Variants in CROCC observed in about 807,000 individuals in gnomAD.
CROCC encodes ciliary rootlet coiled-coil, rootletin, also known as rootletin.
CROCC carries 180 observed loss-of-function variants against 245.2 expected under a neutral mutation model. The ratio of observed to expected loss-of-function variants is 0.73; its 90% CI spans 0.65 to 0.83. CROCC has a LOEUF of 0.83. CROCC is among the 40% of genes least tolerant of loss of function. CROCC has a pLI of 0.00. For synonymous variants in CROCC, 1,205 were observed against 1,241.6 expected (o/e 0.97, Z 0.62); for missense variants, 2,688 against 2,779.4 (o/e 0.97, Z 0.74).
In CROCC at chr1:16,961,170, C is replaced by T; in HGVS notation, c.4405+40C>T. ...GCGCGCAGGGAAGGGGGGAGGTGGGCGGGCCGCACTGAGGCCCCGCCCCCA... is the reference window on the plus strand; with the variant it reads ...GCGCGCAGGGAAGGGGGGAGGTGGGTGGGCCGCACTGAGGCCCCGCCCCCA... On this transcript the variant is annotated intron_variant, in intron 27 of 36. Coordinates refer to ENST00000375541, the MANE Select transcript of CROCC (RefSeq NM_014675.5). The T allele has an allele frequency of 5.5e-6, 7 of 1,273,288 alleles. 1 individual carries two copies. In the South Asian group the frequency reaches 9.2e-5, roughly 17 times the overall value. The allele number at this position is 1,273,288 out of a possible 1,614,324, so 78.9% of individuals were successfully genotyped here. A position where few individuals can be genotyped will look rare whatever the true frequency, so the allele number is the denominator to read the frequency against.
At chr1:16,935,191 C>T (rs77963961) in intron 8 of CROCC, among the ~76,000 whole-genome samples, 647 of 152,146 alleles carry the variant, frequency 4.3e-3, no homozygotes, top group East Asian at 0.035. Context: ...TGAGCCACCA[C>T]GCCTGGCCTA....
rs12143059 is a variant in CROCC at position 16,931,958 on chromosome 1, G to T, written c.956+561G>T. ...TTTTTTTGTATTTTAGTAGAGACGG[G>T]GTTTCACCATGTTGCCCAGGATGGT... is the stretch of plus-strand genomic sequence containing the variant. On this transcript the variant is annotated intron_variant, in intron 8 of 36. Coordinates refer to ENST00000375541, the MANE Select transcript of CROCC (RefSeq NM_014675.5). Among the ~76,000 whole-genome samples, 252 of 152,074 alleles carry T rather than the reference G, an allele frequency of 1.7e-3. 1 individual carries two copies. The highest frequency in any genetic ancestry group is 9.7e-4 in the East Asian group (5 of 5,176).
chr1:16,924,197 C>T, intron 2 of CROCC, 128 bp from the exon 3 acceptor site: 1 of 1,174,914 alleles, frequency 8.5e-7, no homozygotes, highest in Non-Finnish European at 1.2e-6. Flanking sequence ...TGTTTGCAGG[C>T]CTGGTGCTGC....
intron 27 of CROCC, among the ~76,000 whole-genome samples, chr1:16,964,431 G>A (rs2076387368): frequency 6.6e-6 from 1 of 151,424 alleles, no homozygotes; most frequent in African/African-American, 2.4e-5. Flanking sequence ...TGCCCAGGCT[G>A]GAGTGTAATG....
In CROCC at chr1:16,946,142, C is replaced by T. The variant is rs2076040119; in HGVS notation, c.2137-117C>T. 7.5e-6 allele frequency: 9 copies of T among 1,200,678 alleles called. No homozygotes were observed. In the Admixed American group the frequency reaches 8.4e-5, roughly 11 times the overall value. 74.4% of individuals were successfully genotyped at this position (1,200,678 alleles called of 1,614,324 possible). On this transcript the variant is annotated intron_variant, in intron 15 of 36. Coordinates refer to ENST00000375541, the MANE Select transcript of CROCC (RefSeq NM_014675.5). ...TTTTTTCCATCTCACACTGTGTCCC[C>T]TCCTTGTCTCCCCTACCCTGTCTCT...
chr1:16,971,845 T>C (rs1299709139), intron 36 of CROCC, among the ~76,000 whole-genome samples, 198 bp downstream of exon 36: 1 of 152,202 alleles, frequency 6.6e-6, no homozygotes, highest in Non-Finnish European at 1.5e-5. Flanking sequence ...CCTCCTGCCA[T>C]GGCTCTGTTC....
At chr1:16,944,830 C>T (rs1190685124) in intron 14 of CROCC, among the ~76,000 whole-genome samples, 3 of 152,274 alleles carry the variant, frequency 2.0e-5, no homozygotes, top group African/African-American at 4.8e-5. Flanking sequence ...CTCTCAGGGA[C>T]GTGATCGATG....
intron 8 of CROCC, among the ~76,000 whole-genome samples, chr1:16,936,385 A>G (rs1420139025): frequency 2.0e-5 from 3 of 152,242 alleles, no homozygotes; most frequent in African/African-American, 7.2e-5. Context: ...CTCCTACCTC[A>G]GCCTCCCAAG....
At chr1:16,952,631 G>A (rs1293845955) in intron 20 of CROCC, among the ~76,000 whole-genome samples, 3 of 152,112 alleles carry the variant, frequency 2.0e-5, no homozygotes, top group South Asian at 2.1e-4. Context: ...AGTCCCCAGG[G>A]ATCTGAACTC....
intron 20 of CROCC, among the ~76,000 whole-genome samples, chr1:16,952,175 C>T (rs531294902): frequency 4.4e-4 from 65 of 148,512 alleles, no homozygotes; most frequent in African/African-American, 1.5e-3. Context: ...GCATGAGCTA[C>T]GGTGAAGATC....
At chr1:16,918,978 C>T (rs1247376332), upstream of CROCC, among the ~76,000 whole-genome samples, 16 of 152,280 alleles carry the variant, frequency 1.1e-4, no homozygotes, top group Admixed American at 5.9e-4. Flanking sequence ...CTCAAGTGAT[C>T]GACCTGCCTC....
chr1:16,945,672 C>T lies in CROCC; in HGVS notation c.2136+66C>T, dbSNP rs542088747. 3.7e-5 allele frequency: 55 copies of T among 1,499,810 alleles called. No homozygotes were observed. The East Asian group carries it at 1.2e-3, about 34-fold the overall frequency. 92.9% of individuals were successfully genotyped at this position (1,499,810 alleles called of 1,614,324 possible). On this transcript the variant is annotated intron_variant, in intron 15 of 36. Transcript: ENST00000375541. ...ACCCCCAGCCCCAAGCCTTGTCACTCTGGCACAGACTGGTCCCAGTGTCAG... is the reference window on the plus strand; with the variant it reads ...ACCCCCAGCCCCAAGCCTTGTCACTTTGGCACAGACTGGTCCCAGTGTCAG...
intron 12 of CROCC, 85 bp downstream of exon 12, chr1:16,939,227 C>A: frequency 8.5e-7 from 1 of 1,176,502 alleles, no homozygotes; most frequent in Non-Finnish European, 1.1e-6. Flanking sequence ...GGGGCGGGGG[C>A]AGGTCCGGGG....
chr1:16,969,634 G>T, intron 32 of CROCC, 151 bp from the exon 33 acceptor site: 1 of 1,142,554 alleles, frequency 8.8e-7, no homozygotes. Flanking sequence ...CAGGTCAGTG[G>T]ATAGGCCGTG....
At chr1:16,933,325 G>C (rs1240055404) in intron 8 of CROCC, among the ~76,000 whole-genome samples, 11 of 152,364 alleles carry the variant, frequency 7.2e-5, no homozygotes, top group African/African-American at 2.6e-4. Flanking sequence ...AACTTATCTA[G>C]GTGTGGTGAC....
In CROCC at chr1:16,924,362, G is replaced by T; in HGVS notation, c.234G>T (p.Ser78=). Residue 78 remains serine (S), a synonymous_variant, in exon 3 of 37, where the codon TCG becomes TCT. Coordinates refer to ENST00000375541, the MANE Select transcript of CROCC (RefSeq NM_014675.5). ...LPATEMASLL[S]LQEENQLLQQ... ...CCACAGAGATGGCATCGCTGCTGTC[G>T]CTGCAGGAGGAGAACCAGCTGCTGC... The T allele has an allele frequency of 6.2e-7, 1 of 1,613,138 alleles. No individual in the cohort carries two copies. The highest frequency in any genetic ancestry group is 8.5e-7 in the Non-Finnish European group (1 of 1,179,782).
In CROCC at chr1:16,955,567, G is replaced by A. The variant is rs752139180; in HGVS notation, c.3704+17G>A. The A allele has an allele frequency of 6.6e-7, 1 of 1,507,624 alleles. No individual in the cohort carries two copies. Among genetic ancestry groups the A allele is most frequent in the Non-Finnish European group, 8.8e-7 (1 of 1,131,840 alleles). 93.4% of individuals were successfully genotyped at this position (1,507,624 alleles called of 1,614,324 possible). A position where few individuals can be genotyped will look rare whatever the true frequency, so the allele number is the denominator to read the frequency against. ...GCGCATCAGGTGGGGTGTCGCAGGA[G>A]GACCAGTCCTGAGTCCTCATGGGAT... On this transcript the variant is annotated intron_variant, in intron 24 of 36. Transcript: ENST00000375541.
rs2076467191 is a variant in CROCC at position 16,969,073 on chromosome 1, C to T, written c.5077-43C>T. ...ACAGTGGGAGCAGAGGTATAGAGGC[C>T]AGATGGGAACAGCCCCGATTGTTCT... On this transcript the variant is annotated intron_variant, in intron 31 of 36. Transcript: ENST00000375541. The T allele has an allele frequency of 1.3e-6, 2 of 1,552,728 alleles. 1 individual carries two copies.
At chr1:16,946,047 T>C (rs1433449904) in intron 15 of CROCC, among the ~76,000 whole-genome samples, 1 of 152,270 alleles carries the variant, frequency 6.6e-6, no homozygotes, top group Non-Finnish European at 1.5e-5. Context: ...GCTTGAGCTA[T>C]TTTTGCACAG....
Sources: gnomAD v4.1 joint callset for allele counts (sites outside exome capture counted in the v4.1 genomes callset) on GRCh38, gnomAD v4.1.1 for gene constraint, MANE v1.5 for transcripts, NCBI Gene and HGNC (gene_info 2026-07-23, HGNC 2026-07-21) for gene names.